The following CADPS variants were observed in gnomAD, a reference collection of about 807,000 sequenced individuals.
The protein encoded by CADPS is calcium-dependent secretion activator 1.
CADPS carries 57 observed loss-of-function variants against 167.3 expected under a neutral mutation model. The observed-to-expected ratio is 0.34, with a 90% CI of 0.28 to 0.42. The LOEUF is 0.42. CADPS is among the 20% of genes least tolerant of loss of function. The pLI is 1.00. For synonymous variants in CADPS, 676 were observed against 635.3 expected, an observed-to-expected ratio of 1.06 and a Z score of -0.96; for missense variants, 1,414 against 1,738.1, an observed-to-expected ratio of 0.81 and a Z score of 3.32.
intron 6 of CADPS, among the ~76,000 whole-genome samples, chr3:62,632,993 C>T (rs2065583447): frequency 6.6e-6 from 1 of 152,054 alleles, no homozygotes; most frequent in African/African-American, 2.4e-5. Context: ...CTTTAACTCA[C>T]TCAAGGTCAT....
chr3:62,631,109 TACACACACAC>T (rs4019273), intron 6 of CADPS, among the ~76,000 whole-genome samples: 123 of 149,440 alleles, frequency 8.2e-4, no homozygotes, highest in South Asian at 1.3e-3. Flanking sequence ...ATCTGTATAA[TACACACACAC>T]ACACACACAC....
At chr3:62,513,455 T>C (rs1366923378) in intron 16 of CADPS, among the ~76,000 whole-genome samples, 1 of 151,950 alleles carries the variant, frequency 6.6e-6, no homozygotes, top group Non-Finnish European at 1.5e-5. Flanking sequence ...TTGTCTAACC[T>C]GTTTTAGGCT....
rs71736693 is a variant in CADPS, at chr3:62,601,491, CTG to C, written c.1326-8745_1326-8744del. On this transcript the variant is annotated intron_variant, in intron 6 of 29. Coordinates refer to ENST00000383710, the MANE Select transcript of CADPS (RefSeq NM_003716.4). The surrounding 1 kb of genome is among the most constrained non-coding windows in gnomAD (Gnocchi z 4.3). Reference sequence around the variant, plus strand: ...ATTAGCAGATTAGCAGAATGCTCATCTGGGCATACCCACAAAGACGAACTATA... The same window carrying C: ...ATTAGCAGATTAGCAGAATGCTCATCGGCATACCCACAAAGACGAACTATA... 5.6e-3 allele frequency among the ~76,000 whole-genome samples: 852 copies of C among 152,324 alleles called. 4 individuals are homozygous for C. The highest frequency in any genetic ancestry group is 0.019 in the African/African-American group (794 of 41,566).
intron 17 of CADPS, among the ~76,000 whole-genome samples, chr3:62,501,128 G>A (rs1209809473): frequency 6.6e-6 from 1 of 152,150 alleles, no homozygotes; most frequent in Non-Finnish European, 1.5e-5. Context: ...TGGGGCTGTG[G>A]GAAACATAAA....
At chr3:62,786,554 A>T (rs2092448242) in intron 1 of CADPS, among the ~76,000 whole-genome samples, 1 of 152,100 alleles carries the variant, frequency 6.6e-6, no homozygotes, top group Non-Finnish European at 1.5e-5. Flanking sequence ...CTAAAGTAGG[A>T]TAAGAGCTTG....
intron 6 of CADPS, among the ~76,000 whole-genome samples, chr3:62,633,087 C>G (rs2065607494): frequency 6.6e-6 from 1 of 152,048 alleles, no homozygotes; most frequent in Non-Finnish European, 1.5e-5. Context: ...CAATTGCAAA[C>G]TCCGGAGAGA....
intron 1 of CADPS, among the ~76,000 whole-genome samples, chr3:62,850,166 CT>C (rs2078266041): frequency 7.4e-6 from 1 of 135,720 alleles, no homozygotes; most frequent in African/African-American, 2.7e-5. Flanking sequence ...ATTCTTCTCT[CT>C]TTTTTTATTA....
intron 21 of CADPS, among the ~76,000 whole-genome samples, chr3:62,487,166 C>G (rs1339637395): frequency 6.6e-6 from 1 of 152,196 alleles, no homozygotes; most frequent in Non-Finnish European, 1.5e-5. Context: ...AAGGATTCCC[C>G]ATGCCTGGAG....
rs767857305 is a variant in CADPS at position 62,601,119 on chromosome 3, C to G, written c.1326-8371G>C. Among the ~76,000 whole-genome samples the G allele has an allele frequency of 6.6e-6, 1 of 152,116 alleles. No individual in the cohort carries two copies. Among genetic ancestry groups the G allele is most frequent in the Non-Finnish European group, 1.5e-5 (1 of 68,018 alleles). ...AGACCAGGGGTTGTTAAACTATGGC[C>G]ATGGGTATGGGTCTGCTTATGTATG... On this transcript the variant is annotated intron_variant, in intron 6 of 29. Transcript: ENST00000383710. The surrounding 1 kb of genome is among the most constrained non-coding windows in gnomAD (Gnocchi z 4.3).
At chr3:62,647,994 C>T (rs2068990512) in intron 5 of CADPS, among the ~76,000 whole-genome samples, 1 of 152,180 alleles carries the variant, frequency 6.6e-6, no homozygotes, top group African/African-American at 2.4e-5. Flanking sequence ...CTGGACCTTC[C>T]TTCCCTCACT....
At chr3:62,559,408 C>A (rs1227523194) in intron 9 of CADPS, among the ~76,000 whole-genome samples, 1 of 152,108 alleles carries the variant, frequency 6.6e-6, no homozygotes, top group Non-Finnish European at 1.5e-5. Flanking sequence ...GCCTTTCCAA[C>A]TTGTTATTAT....
Position 62,438,304 on chromosome 3 carries a change from A to T in CADPS, c.3670-93T>A. ...TTGTACCCTCTACTTGCCCTCACAC[A>T]CCCTGAGATGCTTCTGCTGGATCAG... On this transcript the variant is annotated intron_variant, in intron 27 of 29. Transcript: ENST00000383710. This position sits in a 1 kb window ranked among gnomAD's most constrained non-coding sequence, Gnocchi z 4.7. 3 of 843,564 alleles carry T rather than the reference A, an allele frequency of 3.6e-6. No homozygotes were observed. The South Asian group carries it at 4.7e-5, about 13-fold the overall frequency. 52.3% of individuals were successfully genotyped at this position (843,564 alleles called of 1,614,324 possible).
chr3:62,722,856 C>T (rs1581148243), intron 3 of CADPS, among the ~76,000 whole-genome samples: 2 of 152,214 alleles, frequency 1.3e-5, no homozygotes, highest in East Asian at 3.9e-4. Context: ...GGGTCCTGTG[C>T]TCTGTGAGAC....
chr3:62,623,547 G>T (rs1036996938), intron 6 of CADPS, among the ~76,000 whole-genome samples: 2 of 152,116 alleles, frequency 1.3e-5, no homozygotes, highest in African/African-American at 2.4e-5. Flanking sequence ...TGGCATATAA[G>T]AAGATAATAT....
intron 1 of CADPS, among the ~76,000 whole-genome samples, chr3:62,786,101 T>C (rs2092400642): frequency 1.3e-5 from 2 of 152,002 alleles, no homozygotes; most frequent in African/African-American, 2.4e-5. Context: ...TATTCCCAGC[T>C]ACTCAGGAGG....
At chr3:62,833,268 C>T (rs189755498) in intron 1 of CADPS, among the ~76,000 whole-genome samples, 2 of 152,122 alleles carry the variant, frequency 1.3e-5, no homozygotes, top group East Asian at 2.0e-4. Flanking sequence ...CAACCTTAGC[C>T]TCTTGAATAG....
intron 6 of CADPS, among the ~76,000 whole-genome samples, chr3:62,631,463 T>G (rs193013636): frequency 2.0e-5 from 3 of 152,328 alleles, no homozygotes; most frequent in African/African-American, 7.2e-5. Context: ...TTGTTTCATG[T>G]GCATTTCTCT....
intron 1 of CADPS, among the ~76,000 whole-genome samples, chr3:62,833,035 G>C (rs780984771): frequency 2.0e-5 from 3 of 152,158 alleles, no homozygotes; most frequent in Non-Finnish European, 4.4e-5. Context: ...TTAGGAAAGG[G>C]TAAGAAAGCC....
intron 2 of CADPS, among the ~76,000 whole-genome samples, chr3:62,756,269 G>A (rs1173221252): frequency 1.3e-5 from 2 of 152,112 alleles, no homozygotes; most frequent in African/African-American, 4.8e-5. Flanking sequence ...GTTTCTCCAT[G>A]TAGGCCAGGC....
Sources: gnomAD v4.1 joint callset for allele counts (sites outside exome capture counted in the v4.1 genomes callset) on GRCh38, gnomAD v4.1.1 for gene constraint, Gnocchi (gnomAD v3.1) non-coding constraint, MANE v1.5 for transcripts, NCBI Gene and HGNC (gene_info 2026-07-23, HGNC 2026-07-21) for gene names.